DCLK1: variants seen among roughly 807,000 people sequenced by gnomAD.
The protein encoded by DCLK1 is doublecortin like kinase 1, also known as serine/threonine-protein kinase DCLK1.
DCLK1 carries 16 observed loss-of-function variants against 86.2 expected under a neutral mutation model. The observed-to-expected ratio is 0.19, with a 90% CI of 0.13 to 0.28. DCLK1 has a LOEUF of 0.28. DCLK1 is among the 10% of genes least tolerant of loss of function. DCLK1 has a pLI of 1.00. For synonymous variants in DCLK1, 369 were observed against 370.5 expected, an observed-to-expected ratio of 1.00 and a Z score of 0.05; for missense variants, 590 against 940.2, an observed-to-expected ratio of 0.63 and a Z score of 4.87.
chr13:35,978,203 C>CTTTTTTTTTTTTTTTTT (rs11311688), intron 3 of DCLK1, among the ~76,000 whole-genome samples: 1 of 82,758 alleles, frequency 1.2e-5, no homozygotes, highest in Non-Finnish European at 2.3e-5. Flanking sequence ...CTTTTCTTTT[C>CTTTTTTTTTTTTTTTTT]TTTTTTTTTT....
intron 3 of DCLK1, among the ~76,000 whole-genome samples, chr13:36,056,473 G>A (rs918577876): frequency 9.5e-6 from 1 of 105,788 alleles, no homozygotes; most frequent in African/African-American, 3.6e-5. Context: ...TGGTGGGGAG[G>A]GGGGAGGGGG....
chr13:35,988,316 A>G (rs17789572), intron 3 of DCLK1, among the ~76,000 whole-genome samples: 55,048 of 152,124 alleles, frequency 0.36, 11,093 homozygotes, highest in Admixed American at 0.44. Context: ...GGCCTGATGC[A>G]TGTGCGAGGT....
At chr13:35,981,220 G>C (rs1879622228) in intron 3 of DCLK1, among the ~76,000 whole-genome samples, 1 of 151,740 alleles carries the variant, frequency 6.6e-6, no homozygotes, top group Admixed American at 6.6e-5. Context: ...GGAATAAAAA[G>C]TGTTTTGTTT....
At chr13:36,130,932 G>A (rs1427202309) in intron 1 of DCLK1, among the ~76,000 whole-genome samples, 182 bp downstream of exon 1, 1 of 151,958 alleles carries the variant, frequency 6.6e-6, no homozygotes, top group African/African-American at 2.4e-5. Flanking sequence ...ACGCCCCCGG[G>A]TCGGGCCAGG....
At chr13:36,032,224 C>T (rs994713066) in intron 3 of DCLK1, among the ~76,000 whole-genome samples, 1 of 151,778 alleles carries the variant, frequency 6.6e-6, no homozygotes, top group African/African-American at 2.4e-5. Context: ...TCATTGCAAC[C>T]TCTGCCTCCC....
chr13:35,978,537 C>G (rs1879472416), intron 3 of DCLK1, among the ~76,000 whole-genome samples: 1 of 152,016 alleles, frequency 6.6e-6, no homozygotes, highest in Admixed American at 6.6e-5. Flanking sequence ...AATAAGTCTA[C>G]AATGTAGTAC....
chr13:36,012,053 T>C (rs1881297478), intron 3 of DCLK1, among the ~76,000 whole-genome samples: 1 of 143,460 alleles, frequency 7.0e-6, no homozygotes, highest in African/African-American at 2.7e-5. Context: ...TTGCAACCCC[T>C]GCCTTTTTTT....
chr13:35,777,199 TA>T (rs1430317671), intron 16 of DCLK1, among the ~76,000 whole-genome samples: 1 of 152,186 alleles, frequency 6.6e-6, no homozygotes, highest in African/African-American at 2.4e-5. Context: ...TCATGACACG[TA>T]TTCTTGGAAA....
At chr13:35,847,928 A>G in intron 6 of DCLK1, 1 of 985,280 alleles carries the variant, frequency 1.0e-6, no homozygotes, top group Non-Finnish European at 1.2e-6. Context: ...AAAACACACC[A>G]TGTGGCTTTC....
intron 3 of DCLK1, among the ~76,000 whole-genome samples, chr13:35,992,420 T>C (rs1241222627): frequency 6.6e-6 from 1 of 151,086 alleles, no homozygotes; most frequent in African/African-American, 2.4e-5. Context: ...CCTTACTTTG[T>C]TTGCTTCCTT....
rs1289860572 is a variant in DCLK1 at position 36,038,366 on chromosome 13, G to A, written c.723+73503C>T. On this transcript the variant is annotated intron_variant, in intron 3 of 16. Transcript: ENST00000360631. Reference sequence around the variant, plus strand: ...GTTACAGGAATGAGAGCCTCCCAGGGGCAGGGCAGAGAATCCTGGAGAACC... The same window carrying A: ...GTTACAGGAATGAGAGCCTCCCAGGAGCAGGGCAGAGAATCCTGGAGAACC... Among the ~76,000 whole-genome samples, 2 of 152,158 alleles carry A rather than the reference G, an allele frequency of 1.3e-5. 1 individual carries two copies. Among genetic ancestry groups the A allele is most frequent in the Non-Finnish European group, 2.9e-5 (2 of 68,034 alleles).
At chr13:36,120,754 A>G (rs1335534806) in intron 2 of DCLK1, among the ~76,000 whole-genome samples, 1 of 152,164 alleles carries the variant, frequency 6.6e-6, no homozygotes, top group Non-Finnish European at 1.5e-5. Context: ...ATGCCCTTTA[A>G]ACACATGAAA....
intron 3 of DCLK1, among the ~76,000 whole-genome samples, chr13:36,107,356 T>C: frequency 9.3e-6 from 1 of 108,050 alleles, no homozygotes; most frequent in African/African-American, 3.4e-5. Context: ...TTTTTTTTTT[T>C]TTTTTGAGAC....
chr13:35,772,620 T>A lies in DCLK1; in HGVS notation c.*1915A>T, dbSNP rs1452906890. 1 of 151,862 alleles carries A rather than the reference T, an allele frequency of 6.6e-6. No homozygotes were observed. The highest frequency in any genetic ancestry group is 1.5e-5 in the Non-Finnish European group (1 of 67,976). 9.4% of individuals were successfully genotyped at this position (151,862 alleles called of 1,614,324 possible). On this transcript the variant is annotated 3_prime_UTR_variant, in exon 17 of 17. Transcript: ENST00000360631. ...AAAACAACTCAACTAATTTACTGAT[T>A]TATGCTACTTTGTGATTTTGCGTGT...
chr13:35,839,252 G>C, intron 6 of DCLK1, 76 bp from the exon 7 acceptor site: 1 of 1,312,220 alleles, frequency 7.6e-7, no homozygotes, highest in South Asian at 1.3e-5. Flanking sequence ...GCCCAGCCCG[G>C]AATCTCAGGA....
intron 11 of DCLK1, among the ~76,000 whole-genome samples, chr13:35,817,598 T>G (rs1237751287): frequency 1.3e-5 from 2 of 152,174 alleles, no homozygotes; most frequent in Non-Finnish European, 2.9e-5. Flanking sequence ...CCGTCCTCCA[T>G]GTGGCAGCCT....
intron 3 of DCLK1, among the ~76,000 whole-genome samples, chr13:35,982,478 G>T (rs1420455486): frequency 6.9e-6 from 1 of 144,378 alleles, no homozygotes; most frequent in Non-Finnish European, 1.5e-5. Context: ...GAGGGAGGGA[G>T]AAAGGGCAAC....
chr13:35,987,500 A>T (rs2153142993), intron 3 of DCLK1, among the ~76,000 whole-genome samples: 1 of 152,180 alleles, frequency 6.6e-6, no homozygotes, highest in South Asian at 2.1e-4. Flanking sequence ...AACGACCCTT[A>T]GGGGGTGCTT....
chr13:36,100,483 T>A (rs1343252538), intron 3 of DCLK1, among the ~76,000 whole-genome samples: 7 of 152,184 alleles, frequency 4.6e-5, no homozygotes, highest in Non-Finnish European at 8.8e-5. Flanking sequence ...GAGAAATATG[T>A]CAGTAATTTT....
Sources: gnomAD v4.1 joint callset for allele counts (sites outside exome capture counted in the v4.1 genomes callset) on GRCh38, gnomAD v4.1.1 for gene constraint, MANE v1.5 for transcripts, NCBI Gene and HGNC (gene_info 2026-07-23, HGNC 2026-07-21) for gene names.